Variants in TBC1D5 observed in about 807,000 individuals in gnomAD.
TBC1D5 encodes TBC1 domain family member 5, also known as TBC1 domain family, member 5.
Under a neutral mutation model 100.3 loss-of-function variants are expected in TBC1D5, and 75 were observed. The observed-to-expected ratio is 0.75, with a 90% CI of 0.62 to 0.91. The LOEUF (loss-of-function observed/expected upper bound fraction) is 0.91, where lower values mean the gene tolerates loss of function less well. TBC1D5 is among the 40% of genes least tolerant of loss of function. The probability of loss-of-function intolerance (pLI) is 0.00; values close to 1 mark genes in which losing one functional copy is unlikely to be tolerated. For synonymous variants in TBC1D5, 323 were observed against 325.6 expected (o/e 0.99, Z 0.09); for missense variants, 910 against 942.4 (o/e 0.97, Z 0.45).
intron 2 of TBC1D5, among the ~76,000 whole-genome samples, chr3:17,597,178 T>C (rs888921222): frequency 1.3e-5 from 2 of 152,346 alleles, no homozygotes; most frequent in African/African-American, 4.8e-5. Context: ...TCAAGTTTAT[T>C]TGTTTGCTTT....
intron 3 of TBC1D5, among the ~76,000 whole-genome samples, chr3:17,459,189 T>A (rs539859070): frequency 1.2e-4 from 19 of 152,346 alleles, no homozygotes; most frequent in African/African-American, 4.6e-4. Flanking sequence ...TAGTTTCTTA[T>A]AGAGCAGCGG....
chr3:17,376,669 GACAGTATAA>G, intron 9 of TBC1D5, 56 bp from the exon 10 acceptor site: 2 of 1,508,538 alleles, frequency 1.3e-6, no homozygotes, highest in Non-Finnish European at 1.8e-6. Flanking sequence ...TCCATTAGTG[GACAGTATAA>G]ACTCAGTTAA....
exon 1 of TBC1D5, chr3:17,740,215 C>G (rs973890676): frequency 1.3e-5 from 2 of 151,758 alleles, no homozygotes; most frequent in African/African-American, 4.8e-5. Context: ...ATAATCCTGG[C>G]TACCTGGGAG....
intron 19 of TBC1D5, among the ~76,000 whole-genome samples, chr3:17,177,856 T>C (rs1391240196): frequency 6.6e-6 from 1 of 152,182 alleles, no homozygotes; most frequent in Non-Finnish European, 1.5e-5. Flanking sequence ...GAATGAGGTA[T>C]CTCCATCACC....
chr3:17,679,919 TAAATGCCAAAA>T (rs1470583922), intron 1 of TBC1D5, among the ~76,000 whole-genome samples: 1 of 151,370 alleles, frequency 6.6e-6, no homozygotes, highest in Non-Finnish European at 1.5e-5. Context: ...CCCCATCCAT[TAAATGCCAAAA>T]ACACTCTCAC....
At chr3:17,565,299 C>T (rs2096586598) in intron 2 of TBC1D5, among the ~76,000 whole-genome samples, 1 of 152,086 alleles carries the variant, frequency 6.6e-6, no homozygotes, top group Admixed American at 6.5e-5. Flanking sequence ...TAAGGAGTAT[C>T]AGTTAATTAT....
At chr3:17,717,977 G>T (rs1195858076) in intron 1 of TBC1D5, among the ~76,000 whole-genome samples, 1 of 152,058 alleles carries the variant, frequency 6.6e-6, no homozygotes, top group Non-Finnish European at 1.5e-5. Flanking sequence ...ACCCTACTAA[G>T]AGAGTGCTGA....
intron 17 of TBC1D5, among the ~76,000 whole-genome samples, chr3:17,221,272 G>C (rs1385139681): frequency 2.0e-5 from 3 of 151,546 alleles, no homozygotes; most frequent in Admixed American, 2.0e-4. Context: ...AATCCTGTGA[G>C]TTCTTTTTTT....
intron 2 of TBC1D5, among the ~76,000 whole-genome samples, chr3:17,525,253 C>A (rs937231358): frequency 2.5e-4 from 38 of 152,088 alleles, no homozygotes; most frequent in Non-Finnish European, 1.5e-5. Context: ...CCTCAGCCTC[C>A]CAAGTAGCTG....
chr3:17,311,253 T>A (rs544916512), intron 13 of TBC1D5, among the ~76,000 whole-genome samples: 1 of 152,056 alleles, frequency 6.6e-6, no homozygotes, highest in African/African-American at 2.4e-5. Flanking sequence ...CTTTATACTA[T>A]CAATCTTGCT....
At chr3:17,422,237 T>G (rs1042200633) in intron 4 of TBC1D5, among the ~76,000 whole-genome samples, 2 of 152,142 alleles carry the variant, frequency 1.3e-5, no homozygotes, top group Non-Finnish European at 2.9e-5. Flanking sequence ...GGTGCGATCT[T>G]GGCTCACTGC....
intron 16 of TBC1D5, among the ~76,000 whole-genome samples, chr3:17,240,072 T>C (rs962825199): frequency 6.6e-6 from 1 of 152,230 alleles, no homozygotes; most frequent in Admixed American, 6.5e-5. Flanking sequence ...TAATTCTACC[T>C]TTTATATGAC....
At chr3:17,287,321 A>T (rs1270299522) in intron 15 of TBC1D5, among the ~76,000 whole-genome samples, 1 of 152,254 alleles carries the variant, frequency 6.6e-6, no homozygotes, top group Non-Finnish European at 1.5e-5. Context: ...GTGCTAAAAA[A>T]TGAGCAGGAT....
At chr3:17,579,243 T>A (rs116031773) in intron 2 of TBC1D5, among the ~76,000 whole-genome samples, 2,521 of 152,146 alleles carry the variant, frequency 0.017, 51 homozygotes, top group South Asian at 0.048. Flanking sequence ...CTGAAGTGGG[T>A]GTAACCTGAA....
chr3:17,243,746 T>C (rs1288655581), intron 16 of TBC1D5, among the ~76,000 whole-genome samples: 2 of 152,016 alleles, frequency 1.3e-5, no homozygotes, highest in African/African-American at 4.8e-5. Context: ...AATGTTTTGA[T>C]TGGGTTTGGT....
At chr3:17,691,541 G>A (rs531004805) in intron 1 of TBC1D5, among the ~76,000 whole-genome samples, 131 of 152,264 alleles carry the variant, frequency 8.6e-4, no homozygotes, top group South Asian at 6.2e-4. Context: ...ACTTCAGGCC[G>A]GGCGCCGTGG....
intron 17 of TBC1D5, among the ~76,000 whole-genome samples, chr3:17,222,416 T>G (rs2074388700): frequency 6.6e-6 from 1 of 152,178 alleles, no homozygotes; most frequent in Non-Finnish European, 1.5e-5. Flanking sequence ...TAAATAAGTA[T>G]TTGGGAGCGG....
chr3:17,319,653 A>G (rs2085141491), intron 13 of TBC1D5, among the ~76,000 whole-genome samples: 2 of 152,086 alleles, frequency 1.3e-5, no homozygotes, highest in South Asian at 4.1e-4. Flanking sequence ...GGCGGATCAC[A>G]AGGTCAGGAG....
At chr3:17,572,623 C>T (rs1004861850) in intron 2 of TBC1D5, among the ~76,000 whole-genome samples, 15 of 152,050 alleles carry the variant, frequency 9.9e-5, no homozygotes, top group African/African-American at 3.4e-4. Flanking sequence ...ATATCAACTA[C>T]CCTGTGGGCT....
Sources: allele counts gnomAD v4.1 joint callset (sites outside exome capture counted in the v4.1 genomes callset), GRCh38; gene constraint gnomAD v4.1.1; transcripts MANE v1.5; gene names NCBI Gene and HGNC (gene_info 2026-07-23, HGNC 2026-07-21).